Variants in SPATA16 observed in about 807,000 individuals in gnomAD.
SPATA16 encodes spermatogenesis associated 16, also known as spermatogenesis-associated protein 16.
In SPATA16, 36 loss-of-function variants were observed where a neutral mutation model predicts 63.3. That is an observed-to-expected ratio of 0.57 (90% CI 0.44 to 0.75). The LOEUF (loss-of-function observed/expected upper bound fraction) is 0.75, where lower values mean the gene tolerates loss of function less well. Among genes scored for constraint, SPATA16 ranks in the 30% least tolerant of loss-of-function variants. SPATA16 has a pLI of 0.00. For synonymous variants in SPATA16, 203 were observed against 216.7 expected, an observed-to-expected ratio of 0.94 and a Z score of 0.56; for missense variants, 646 against 679.3, an observed-to-expected ratio of 0.95 and a Z score of 0.54.
intron 2 of SPATA16, among the ~76,000 whole-genome samples, chr3:173,051,780 G>A (rs1577149504): frequency 2.0e-5 from 3 of 151,810 alleles, no homozygotes; most frequent in East Asian, 1.9e-4. Context: ...TCTCTCTGAT[G>A]TGATGGTGTG....
At chr3:173,063,558 G>A (rs895692154) in intron 2 of SPATA16, among the ~76,000 whole-genome samples, 3 of 152,178 alleles carry the variant, frequency 2.0e-5, no homozygotes, top group African/African-American at 7.2e-5. Flanking sequence ...AGCTCACTAG[G>A]CAGGGGAGTT....
rs555294444 is a variant in SPATA16 at position 172,947,980 on chromosome 3, A to G, written c.1081+8697T>C. ...AAAAAAAGAATGAAGCATGCCTTCA[A>G]GATCTAGAAAACAATCTCAAAAGTA... On this transcript the variant is annotated intron_variant, in intron 6 of 10. Coordinates refer to ENST00000351008, the MANE Select transcript of SPATA16 (RefSeq NM_031955.6). 3.3e-5 allele frequency among the ~76,000 whole-genome samples: 5 copies of G among 152,298 alleles called. No individual in the cohort carries two copies. The South Asian group carries it at 1.0e-3, about 32-fold the overall frequency.
chr3:172,897,157 T>C (rs1180370006), intron 10 of SPATA16, among the ~76,000 whole-genome samples: 1 of 152,216 alleles, frequency 6.6e-6, no homozygotes, highest in African/African-American at 2.4e-5. Context: ...TAGTTTTCTT[T>C]TATTTTTGGT....
chr3:172,991,468 T>G (rs996503593), intron 4 of SPATA16, among the ~76,000 whole-genome samples: 1 of 152,158 alleles, frequency 6.6e-6, no homozygotes, highest in Non-Finnish European at 1.5e-5. Context: ...TGCGTATACA[T>G]GCACACCTTT....
chr3:172,984,180 C>T (rs1029781404), intron 4 of SPATA16, among the ~76,000 whole-genome samples: 4 of 152,084 alleles, frequency 2.6e-5, no homozygotes, highest in Non-Finnish European at 5.9e-5. Context: ...TTCAGGTGCT[C>T]GGTAGCCCCA....
At position 173,086,725 on chromosome 3, in the gene SPATA16, T is replaced by C. The variant is rs140285035; in HGVS notation, c.612+30395A>G. Among the ~76,000 whole-genome samples the C allele has an allele frequency of 3.9e-5, 6 of 152,318 alleles. No homozygotes were observed. In the East Asian group the frequency reaches 1.2e-3, roughly 29 times the overall value. ...TGCTTTAGCTGTGTCCCAGAGATTC[T>C]GGTACACTGTCTCTTTGTTCTCATT... is the stretch of plus-strand genomic sequence containing the variant. On this transcript the variant is annotated intron_variant, in intron 2 of 10. Coordinates refer to ENST00000351008, the MANE Select transcript of SPATA16 (RefSeq NM_031955.6).
intron 2 of SPATA16, among the ~76,000 whole-genome samples, chr3:173,100,912 A>G (rs1737477511): frequency 6.6e-6 from 1 of 152,210 alleles, no homozygotes; most frequent in Admixed American, 6.5e-5. Flanking sequence ...ATGTCAAAAT[A>G]TACAAACAAC....
intron 3 of SPATA16, among the ~76,000 whole-genome samples, chr3:173,025,080 T>A (rs1735422622): frequency 6.6e-6 from 1 of 151,066 alleles, no homozygotes; most frequent in African/African-American, 2.4e-5. Context: ...TTACTGTTAA[T>A]TTCCCATTTT....
chr3:173,026,171 A>G (rs1174164701), intron 3 of SPATA16, among the ~76,000 whole-genome samples: 1 of 151,922 alleles, frequency 6.6e-6, no homozygotes, highest in Non-Finnish European at 1.5e-5. Flanking sequence ...TTTAGTTTGC[A>G]TTTCCCTAGT....
chr3:173,046,270 ATACT>A (rs1735953569), intron 3 of SPATA16, among the ~76,000 whole-genome samples: 1 of 152,026 alleles, frequency 6.6e-6, no homozygotes, highest in Non-Finnish European at 1.5e-5. Flanking sequence ...GTAAAAAATA[ATACT>A]TATATATGCC....
At chr3:172,951,236 C>T (rs1467099757) in intron 6 of SPATA16, among the ~76,000 whole-genome samples, 3 of 151,764 alleles carry the variant, frequency 2.0e-5, no homozygotes, top group African/African-American at 4.8e-5. Flanking sequence ...TAATACAATA[C>T]AGCTCTATTA....
intron 2 of SPATA16, among the ~76,000 whole-genome samples, chr3:173,076,396 A>AT (rs5854501): frequency 1.2e-3 from 176 of 149,068 alleles, no homozygotes; most frequent in Non-Finnish European, 9.3e-4. Context: ...TTAGTATAAA[A>AT]TTTTTTTTTT....
At chr3:172,981,459 T>A (rs1434723393) in intron 4 of SPATA16, among the ~76,000 whole-genome samples, 2 of 152,162 alleles carry the variant, frequency 1.3e-5, no homozygotes, top group Non-Finnish European at 2.9e-5. Flanking sequence ...CATTTTCAAC[T>A]ACCTTCTTAG....
At chr3:173,108,694 G>T (rs528587170) in intron 2 of SPATA16, among the ~76,000 whole-genome samples, 3 of 152,306 alleles carry the variant, frequency 2.0e-5, no homozygotes, top group South Asian at 4.1e-4. Flanking sequence ...TATGACAGTA[G>T]TCCCATCAGA....
chr3:173,038,660 T>A (rs750077296), intron 3 of SPATA16, among the ~76,000 whole-genome samples: 1 of 152,108 alleles, frequency 6.6e-6, no homozygotes, highest in Non-Finnish European at 1.5e-5. Flanking sequence ...AATAGTTTTC[T>A]CCTTGTTGAT....
At chr3:172,951,119 T>C (rs1733419870) in intron 6 of SPATA16, among the ~76,000 whole-genome samples, 1 of 152,188 alleles carries the variant, frequency 6.6e-6, no homozygotes, top group Admixed American at 6.5e-5. Flanking sequence ...ATTTGTTTTA[T>C]ATACCCTGAC....
chr3:172,922,249 A>C (rs1732629320), intron 8 of SPATA16, among the ~76,000 whole-genome samples: 1 of 152,008 alleles, frequency 6.6e-6, no homozygotes, highest in Non-Finnish European at 1.5e-5. Flanking sequence ...TTTCATTAAA[A>C]CTCTTTGAAA....
chr3:172,955,125 T>A (rs530728023), intron 6 of SPATA16, among the ~76,000 whole-genome samples: 1 of 152,346 alleles, frequency 6.6e-6, no homozygotes, highest in East Asian at 1.9e-4. Flanking sequence ...GTCTGGCTCA[T>A]TAATGTTATT....
At chr3:173,090,420 T>C (rs1737194338) in intron 2 of SPATA16, among the ~76,000 whole-genome samples, 1 of 152,138 alleles carries the variant, frequency 6.6e-6, no homozygotes, top group Non-Finnish European at 1.5e-5. Context: ...TCCAATAAAT[T>C]ACCCAGTCTC....
Sources: allele counts gnomAD v4.1 joint callset (sites outside exome capture counted in the v4.1 genomes callset), GRCh38; gene constraint gnomAD v4.1.1; transcripts MANE v1.5; gene names NCBI Gene and HGNC (gene_info 2026-07-23, HGNC 2026-07-21).